The following PCSK6 variants were observed in gnomAD, a reference collection of about 807,000 sequenced individuals.
PCSK6 encodes the protein paired basic amino acid cleaving enzyme 4.
Under a neutral mutation model 123.3 loss-of-function variants are expected in PCSK6, and 85 were observed. That is an observed-to-expected ratio of 0.69 (90% CI 0.58 to 0.83). The LOEUF (loss-of-function observed/expected upper bound fraction) is 0.83, where lower values mean the gene tolerates loss of function less well. PCSK6 is among the 40% of genes least tolerant of loss of function. The probability of loss-of-function intolerance (pLI) is 0.00; values close to 1 mark genes in which losing one functional copy is unlikely to be tolerated. For missense variants in PCSK6, 1,191 were observed against 1,282.3 expected, an observed-to-expected ratio of 0.93 and a Z score of 1.09; for synonymous variants, 508 against 516.0, an observed-to-expected ratio of 0.98 and a Z score of 0.21.
chr15:101,386,799 G>T (rs1208289246), intron 9 of PCSK6, among the ~76,000 whole-genome samples: 1 of 152,186 alleles, frequency 6.6e-6, no homozygotes, highest in Non-Finnish European at 1.5e-5. Context: ...CATGAACATG[G>T]CTGGGCCGGT....
intron 6 of PCSK6, among the ~76,000 whole-genome samples, chr15:101,406,098 G>A (rs970302635): frequency 6.6e-6 from 1 of 152,106 alleles, no homozygotes; most frequent in South Asian, 2.1e-4. Context: ...ATAAGGCAAG[G>A]TGAACCTATC....
intron 19 of PCSK6, 68 bp downstream of exon 19, chr15:101,318,251 C>T (rs550953690): frequency 1.2e-5 from 14 of 1,176,444 alleles, no homozygotes; most frequent in Non-Finnish European, 1.6e-5. Flanking sequence ...AGGGCTTTCT[C>T]GGGTTCAAGG....
At chr15:101,308,155 A>T (rs1406830106) in intron 20 of PCSK6, 2 of 152,256 alleles carry the variant, frequency 1.3e-5, no homozygotes, top group African/African-American at 2.4e-5. Context: ...CACGTTTCCC[A>T]TCCTGGGGCC....
At chr15:101,423,649 C>CAG (rs757619656) in intron 6 of PCSK6, among the ~76,000 whole-genome samples, 1 of 151,514 alleles carries the variant, frequency 6.6e-6, no homozygotes, top group Non-Finnish European at 1.5e-5. Flanking sequence ...CCATTCGAAG[C>CAG]AGAGAAAAAA....
chr15:101,424,821 G>A (rs2056199756), intron 6 of PCSK6, among the ~76,000 whole-genome samples: 1 of 152,150 alleles, frequency 6.6e-6, no homozygotes, highest in Non-Finnish European at 1.5e-5. Flanking sequence ...AGATAGACTG[G>A]GATAAGTTGG....
At chr15:101,480,528 T>C (rs966175364) in intron 1 of PCSK6, among the ~76,000 whole-genome samples, 13 of 152,262 alleles carry the variant, frequency 8.5e-5, no homozygotes, top group Non-Finnish European at 1.8e-4. Flanking sequence ...TCCTGACAGC[T>C]GATGGCTATT....
chr15:101,347,214 G>C (rs925061265), intron 13 of PCSK6: 2 of 1,231,816 alleles, frequency 1.6e-6, no homozygotes, highest in African/African-American at 3.1e-5. Context: ...CTAGCATCAA[G>C]CACAGGATAG....
chr15:101,471,697 T>C (rs2057608142), intron 1 of PCSK6, among the ~76,000 whole-genome samples: 1 of 152,218 alleles, frequency 6.6e-6, no homozygotes, highest in Non-Finnish European at 1.5e-5. Context: ...TTGTTGAGTT[T>C]GGATAAATGT....
In PCSK6 at chr15:101,427,879, C is replaced by G; in HGVS notation, c.823+13G>C. The stretch of plus-strand genomic sequence containing the variant: ...AGGCCCCTCGGCTCGCAGGCTGCCA[C>G]GCCCGGCCTTACCTCCTATTTTGGC... On this transcript the variant is annotated intron_variant, in intron 6 of 21. Transcript: ENST00000611716. The G allele has an allele frequency of 6.4e-7, 1 of 1,550,988 alleles. No individual in the cohort carries two copies. Among genetic ancestry groups the G allele is most frequent in the Non-Finnish European group, 8.7e-7 (1 of 1,145,092 alleles).
Position 101,393,537 on chromosome 15 carries a change from T to A in PCSK6, c.997-113A>T, listed in dbSNP as rs541217519. ...ATGTTCCTTCAAAGGGATAAGAAGG[T>A]TGCATTCAGACCATCTGGATGCTGC... On this transcript the variant is annotated intron_variant, in intron 7 of 21. Coordinates refer to ENST00000611716, the MANE Select transcript of PCSK6 (RefSeq NM_002570.5). 5.3e-5 allele frequency: 40 copies of A among 757,532 alleles called. No homozygotes were observed. The African/African-American group carries it at 6.5e-4, about 12-fold the overall frequency. 46.9% of individuals were successfully genotyped at this position (757,532 alleles called of 1,614,324 possible). A position where few individuals can be genotyped will look rare whatever the true frequency, so the allele number is the denominator to read the frequency against.
chr15:101,458,910 T>C (rs2057262684), intron 1 of PCSK6, among the ~76,000 whole-genome samples: 1 of 152,164 alleles, frequency 6.6e-6, no homozygotes, highest in Non-Finnish European at 1.5e-5. Flanking sequence ...CTGCCTTCCA[T>C]TTCATTTAAC....
chr15:101,434,002 C>A (rs998779488), intron 2 of PCSK6, among the ~76,000 whole-genome samples: 4 of 151,674 alleles, frequency 2.6e-5, no homozygotes, highest in African/African-American at 9.7e-5. Context: ...CTTAAAAAAT[C>A]CTCAGCACCA....
In PCSK6 at chr15:101,370,320, C is replaced by A. The variant is rs761863734; in HGVS notation, c.1721+15G>T. On this transcript the variant is annotated intron_variant, in intron 12 of 21. Transcript: ENST00000611716. ...AGTGAGCCCAGACCCCATCCCCACG[C>A]CTGCCTCGCCTTACCTCTTTGCCAG... is the stretch of plus-strand genomic sequence containing the variant. The A allele has an allele frequency of 5.3e-6, 8 of 1,502,684 alleles. No individual in the cohort carries two copies. In the African/African-American group the frequency reaches 9.7e-5, roughly 18 times the overall value. 93.1% of individuals were successfully genotyped at this position (1,502,684 alleles called of 1,614,324 possible).
Position 101,330,634 on chromosome 15 carries a change from C to T in PCSK6, c.2077+1017G>A, listed in dbSNP as rs377211949. Among the ~76,000 whole-genome samples, 356 of 152,368 alleles carry T rather than the reference C, an allele frequency of 2.3e-3. 5 individuals are homozygous for T. In the South Asian group the frequency reaches 0.031, roughly 13 times the overall value. On this transcript the variant is annotated intron_variant, in intron 15 of 21. Coordinates refer to ENST00000611716, the MANE Select transcript of PCSK6 (RefSeq NM_002570.5). ...GAGAGCCAGGAATGCATCTCCTTCC[C>T]ATGGAGACCCCCTCTCTCCACCTAA...
intron 17 of PCSK6, 72 bp from the exon 18 acceptor site, chr15:101,322,679 C>T: frequency 2.1e-6 from 2 of 974,620 alleles, no homozygotes; most frequent in Non-Finnish European, 3.3e-6. Context: ...GCAAGCAGGC[C>T]CCCGGCATTT....
intron 1 of PCSK6, among the ~76,000 whole-genome samples, chr15:101,446,191 G>A (rs577004806): frequency 6.6e-6 from 1 of 152,358 alleles, no homozygotes; most frequent in African/African-American, 2.4e-5. Flanking sequence ...AGGGGAGAAG[G>A]GGACACCAGC....
At chr15:101,460,567 G>C (rs2057318396) in intron 1 of PCSK6, among the ~76,000 whole-genome samples, 1 of 152,198 alleles carries the variant, frequency 6.6e-6, no homozygotes, top group Admixed American at 6.5e-5. Flanking sequence ...AGCAGACTTA[G>C]AACTCCACGC....
At chr15:101,451,206 A>T (rs1420148966) in intron 1 of PCSK6, among the ~76,000 whole-genome samples, 1 of 151,970 alleles carries the variant, frequency 6.6e-6, no homozygotes, top group Admixed American at 6.6e-5. Context: ...GGAATGGAGG[A>T]GGAAAGCCCA....
intron 6 of PCSK6, among the ~76,000 whole-genome samples, chr15:101,416,832 A>C (rs2055904412): frequency 6.6e-6 from 1 of 152,230 alleles, no homozygotes; most frequent in African/African-American, 2.4e-5. Flanking sequence ...TCAAGAACTG[A>C]GGTTTGGGAA....
Sources: allele counts gnomAD v4.1 joint callset (sites outside exome capture counted in the v4.1 genomes callset), GRCh38; gene constraint gnomAD v4.1.1; transcripts MANE v1.5; gene names NCBI Gene and HGNC (gene_info 2026-07-23, HGNC 2026-07-21).